Variants in ADAMTS2 observed in about 807,000 individuals in gnomAD.
ADAMTS2 encodes the protein ADAM metallopeptidase with thrombospondin type 1 motif 2.
ADAMTS2 carries 50 observed loss-of-function variants against 123.0 expected under a neutral mutation model. The ratio of observed to expected loss-of-function variants is 0.41; its 90% CI spans 0.32 to 0.51. The LOEUF (loss-of-function observed/expected upper bound fraction) is 0.51, where lower values mean the gene tolerates loss of function less well. Ranked by LOEUF, ADAMTS2 falls within the 20% of genes least tolerant of loss-of-function variation. ADAMTS2 has a pLI of 0.35. For synonymous variants in ADAMTS2, 678 were observed against 695.4 expected, an observed-to-expected ratio of 0.98 and a Z score of 0.39; for missense variants, 1,494 against 1,705.2, an observed-to-expected ratio of 0.88 and a Z score of 2.18.
At position 179,202,681 on chromosome 5, in the gene ADAMTS2, C is replaced by T. The variant is rs1006036552; in HGVS notation, c.891+4832G>A. On this transcript the variant is annotated intron_variant, in intron 4 of 21. Transcript: ENST00000251582. The surrounding 1 kb of genome is among the most constrained non-coding windows in gnomAD (Gnocchi z 4.0). Reference sequence around the variant, plus strand: ...GGAGGATGGCTATGCCGAGAATCCACCCCATCTCAGCAGCTGAACACAATA... The same window carrying T: ...GGAGGATGGCTATGCCGAGAATCCATCCCATCTCAGCAGCTGAACACAATA... Among the ~76,000 whole-genome samples, 2 of 152,106 alleles carry T rather than the reference C, an allele frequency of 1.3e-5. No homozygotes were observed. Among genetic ancestry groups the T allele is most frequent in the African/African-American group, 4.8e-5 (2 of 41,420 alleles).
At chr5:179,223,136 C>G (rs577802204) in intron 3 of ADAMTS2, among the ~76,000 whole-genome samples, 9 of 152,374 alleles carry the variant, frequency 5.9e-5, no homozygotes, top group South Asian at 2.1e-4. Context: ...TACCATTTGC[C>G]AGCCTTGCGT....
At position 179,170,535 on chromosome 5, in the gene ADAMTS2, C is replaced by T. The variant is rs1415317515; in HGVS notation, c.975+10537G>A. On this transcript the variant is annotated intron_variant, in intron 5 of 21. Coordinates refer to ENST00000251582, the MANE Select transcript of ADAMTS2 (RefSeq NM_014244.5). This position sits in a 1 kb window ranked among gnomAD's most constrained non-coding sequence, Gnocchi z 4.3. ...AGAGCAGCTCATCAGAATTCATCCC[C>T]ACCATGTGCCAAACTTTGTCCCCAG... Among the ~76,000 whole-genome samples, 3 of 152,122 alleles carry T rather than the reference C, an allele frequency of 2.0e-5. No individual in the cohort carries two copies.
chr5:179,260,312 G>A lies in ADAMTS2; in HGVS notation c.688+12599C>T, dbSNP rs1373705673. Reference sequence around the variant, plus strand: ...ACTATGCTTATTCTTTCTTTTCACGGATATTTACGCACCAACCGTGTGCCA... The same window carrying A: ...ACTATGCTTATTCTTTCTTTTCACGAATATTTACGCACCAACCGTGTGCCA... On this transcript the variant is annotated intron_variant, in intron 3 of 21. Coordinates refer to ENST00000251582, the MANE Select transcript of ADAMTS2 (RefSeq NM_014244.5). This position sits in a 1 kb window ranked among gnomAD's most constrained non-coding sequence, Gnocchi z 4.2. 6.6e-6 allele frequency among the ~76,000 whole-genome samples: 1 copy of A among 152,194 alleles called. No homozygotes were observed. The highest frequency in any genetic ancestry group is 1.5e-5 in the Non-Finnish European group (1 of 68,040).
At chr5:179,153,354 G>A in intron 9 of ADAMTS2, 137 bp downstream of exon 9, 1 of 1,361,294 alleles carries the variant, frequency 7.3e-7, no homozygotes, top group South Asian at 1.3e-5. Context: ...GGTGCAGAGG[G>A]ACAGGCTGCC....
At chr5:179,240,655 G>A (rs1186400426) in intron 3 of ADAMTS2, among the ~76,000 whole-genome samples, 2 of 152,210 alleles carry the variant, frequency 1.3e-5, no homozygotes, top group African/African-American at 2.4e-5. Flanking sequence ...GGTCATGGTC[G>A]ACCTCATGGG....
chr5:179,225,196 C>T lies in ADAMTS2; in HGVS notation c.689-17481G>A, dbSNP rs1765252084. Among the ~76,000 whole-genome samples the T allele has an allele frequency of 6.6e-6, 1 of 152,240 alleles. No individual in the cohort carries two copies. The highest frequency in any genetic ancestry group is 1.5e-5 in the Non-Finnish European group (1 of 68,050). On this transcript the variant is annotated intron_variant, in intron 3 of 21. Coordinates refer to ENST00000251582, the MANE Select transcript of ADAMTS2 (RefSeq NM_014244.5). This position sits in a 1 kb window ranked among gnomAD's most constrained non-coding sequence, Gnocchi z 4.5. ...CTCATGGACTCTCAATTCAGCCCCG[C>T]ACAGCCAAGGGCTCACCCACATCAT...
rs77711607 is a variant in ADAMTS2, at chr5:179,121,487, G to A, written c.3178+174C>T. ...CCGAGCCCCCGCCAGCAGGCAGCGC[G>A]GCCCGGAGCGGACGCCGAGCTCAGA... On this transcript the variant is annotated intron_variant, in intron 21 of 21. Transcript: ENST00000251582. The A allele has an allele frequency of 7.4e-5, 37 of 497,184 alleles. No homozygotes were observed. The East Asian group carries it at 7.9e-4, about 11-fold the overall frequency. 30.8% of individuals were successfully genotyped at this position (497,184 alleles called of 1,614,324 possible). A position where few individuals can be genotyped will look rare whatever the true frequency, so the allele number is the denominator to read the frequency against.
rs954933896 is a variant in ADAMTS2, at chr5:179,118,183, G to A, written c.3178+3478C>T. On this transcript the variant is annotated intron_variant, in intron 21 of 21. Transcript: ENST00000251582. The surrounding 1 kb of genome is among the most constrained non-coding windows in gnomAD (Gnocchi z 4.5). Reference sequence around the variant, plus strand: ...AAATACAAAATTGAAATAAAATCCTGGCCAAGAGATTGACTATGCAAATAG... The same window carrying A: ...AAATACAAAATTGAAATAAAATCCTAGCCAAGAGATTGACTATGCAAATAG... 1.3e-5 allele frequency among the ~76,000 whole-genome samples: 2 copies of A among 152,082 alleles called. No homozygotes were observed. Among genetic ancestry groups the A allele is most frequent in the African/African-American group, 4.8e-5 (2 of 41,412 alleles).
intron 3 of ADAMTS2, among the ~76,000 whole-genome samples, chr5:179,249,981 G>A (rs1476164954): frequency 6.6e-6 from 1 of 152,138 alleles, no homozygotes; most frequent in Admixed American, 6.5e-5. Context: ...ATATTAAAAG[G>A]CTTATATACA....
Position 179,150,999 on chromosome 5 carries a change from C to T in ADAMTS2, c.1629+1143G>A, listed in dbSNP as rs376848339. 33 of 197,302 alleles carry T rather than the reference C, an allele frequency of 1.7e-4. 1 individual carries two copies. Among genetic ancestry groups the T allele is most frequent in the Admixed American group, 6.1e-4 (11 of 18,150 alleles). The allele number at this position is 197,302 out of a possible 1,614,324, so 12.2% of individuals were successfully genotyped here. A position where few individuals can be genotyped will look rare whatever the true frequency, so the allele number is the denominator to read the frequency against. ...GCAACCTCCGCCTCCTGGGCTCAAA[C>T]GATTTTCATGCCTCAGCCTCCGGAG... On this transcript the variant is annotated intron_variant, in intron 10 of 21. Coordinates refer to ENST00000251582, the MANE Select transcript of ADAMTS2 (RefSeq NM_014244.5).
chr5:179,281,014 C>T (rs1267780884), intron 2 of ADAMTS2, among the ~76,000 whole-genome samples: 2 of 152,198 alleles, frequency 1.3e-5, no homozygotes, highest in African/African-American at 4.8e-5. Context: ...CACACCACCA[C>T]ATCCAGCTAA....
intron 4 of ADAMTS2, among the ~76,000 whole-genome samples, chr5:179,190,617 T>C (rs917583551): frequency 6.6e-6 from 1 of 152,122 alleles, no homozygotes; most frequent in South Asian, 2.1e-4. Flanking sequence ...CTGATTTAGG[T>C]AAAAACAACA....
intron 2 of ADAMTS2, among the ~76,000 whole-genome samples, chr5:179,295,347 G>A (rs895335042): frequency 4.6e-5 from 7 of 152,168 alleles, no homozygotes; most frequent in East Asian, 1.9e-4. Context: ...GGGGGGCACC[G>A]ACAGGAAACC....
Position 179,330,479 on chromosome 5 carries a change from G to A in ADAMTS2, c.534+13288C>T, listed in dbSNP as rs114528210. ...CCAGCAGCCTCCCTGCAACTGCCCC[G>A]GCTTTGGTTTTTAATGTCCCTAGTC... On this transcript the variant is annotated intron_variant, in intron 2 of 21. Transcript: ENST00000251582. Among the ~76,000 whole-genome samples the A allele has an allele frequency of 6.7e-3, 1,015 of 152,350 alleles. 5 individuals carry two copies. The highest frequency in any genetic ancestry group is 0.011 in the Non-Finnish European group (748 of 68,036).
intron 3 of ADAMTS2, among the ~76,000 whole-genome samples, chr5:179,248,911 A>G (rs1765860661): frequency 6.6e-6 from 1 of 152,096 alleles, no homozygotes; most frequent in Non-Finnish European, 1.5e-5. Context: ...TACATAGAGC[A>G]CCCCACTCAA....
rs886740021 is a variant in ADAMTS2 at position 179,308,871 on chromosome 5, G to A, written c.534+34896C>T. Among the ~76,000 whole-genome samples the A allele has an allele frequency of 2.0e-5, 3 of 152,256 alleles. No individual in the cohort carries two copies. Among genetic ancestry groups the A allele is most frequent in the East Asian group, 1.9e-4 (1 of 5,172 alleles). The stretch of plus-strand genomic sequence containing the variant: ...GCCAGACAGCCACTGAAGCCCTCGG[G>A]GTACTGTTCCCTGCCTTTAGCATCC... On this transcript the variant is annotated intron_variant, in intron 2 of 21. Coordinates refer to ENST00000251582, the MANE Select transcript of ADAMTS2 (RefSeq NM_014244.5). This position sits in a 1 kb window ranked among gnomAD's most constrained non-coding sequence, Gnocchi z 6.6.
chr5:179,323,046 C>A (rs1375347243), intron 2 of ADAMTS2, among the ~76,000 whole-genome samples: 1 of 152,210 alleles, frequency 6.6e-6, no homozygotes, highest in Admixed American at 6.5e-5. Flanking sequence ...CACTCCAGAG[C>A]CAAGACTGAC....
chr5:179,121,394 C>T (rs1257682594), intron 21 of ADAMTS2: 2 of 290,318 alleles, frequency 6.9e-6, no homozygotes, highest in African/African-American at 2.2e-5. Flanking sequence ...ACCGGCCCCT[C>T]CTGCAACCAC....
intron 2 of ADAMTS2, among the ~76,000 whole-genome samples, chr5:179,338,109 C>T (rs1408648789): frequency 6.6e-6 from 1 of 152,198 alleles, no homozygotes; most frequent in Non-Finnish European, 1.5e-5. Flanking sequence ...CAGAAACATA[C>T]CCAGCCACAC....
Sources: gnomAD v4.1 joint callset for allele counts (sites outside exome capture counted in the v4.1 genomes callset) on GRCh38, gnomAD v4.1.1 for gene constraint, Gnocchi (gnomAD v3.1) non-coding constraint, MANE v1.5 for transcripts, NCBI Gene and HGNC (gene_info 2026-07-23, HGNC 2026-07-21) for gene names.